USP34: variants seen among roughly 807,000 people sequenced by gnomAD.
The protein encoded by USP34 is ubiquitin carboxyl-terminal hydrolase 34.
Under a neutral mutation model 460.3 loss-of-function variants are expected in USP34, and 70 were observed. The ratio of observed to expected loss-of-function variants is 0.15; its 90% CI spans 0.13 to 0.19. The LOEUF is 0.19. Among genes scored for constraint, USP34 ranks in the 10% least tolerant of loss-of-function variants. The pLI is 1.00. For synonymous variants in USP34, 1,647 were observed against 1,405.3 expected (o/e 1.17, Z -3.85); for missense variants, 3,985 against 4,236.2 (o/e 0.94, Z 1.65).
chr2:61,447,280 A>C (rs866475812), intron 1 of USP34, among the ~76,000 whole-genome samples: 3 of 147,822 alleles, frequency 2.0e-5, no homozygotes, highest in Non-Finnish European at 4.5e-5. Flanking sequence ...AAAAAAAAAA[A>C]AACCAGAAAA....
At chr2:61,374,871 C>G (rs1692744042) in intron 8 of USP34, among the ~76,000 whole-genome samples, 1 of 152,052 alleles carries the variant, frequency 6.6e-6, no homozygotes, top group African/African-American at 2.4e-5. Flanking sequence ...ACTCAGTCTC[C>G]TACTTTCAAT....
At chr2:61,334,653 A>G (rs1215470028) in intron 18 of USP34, among the ~76,000 whole-genome samples, 1 of 152,166 alleles carries the variant, frequency 6.6e-6, no homozygotes, top group East Asian at 1.9e-4. Context: ...TTCAATAAAC[A>G]TGTTTTCATT....
intron 10 of USP34, among the ~76,000 whole-genome samples, chr2:61,358,912 T>G (rs1692188368): frequency 6.6e-6 from 1 of 152,156 alleles, no homozygotes; most frequent in Admixed American, 6.5e-5. Flanking sequence ...CCAAAGAGGG[T>G]AAAGTTTTGT....
chr2:61,288,025 C>T (rs1689739743), intron 34 of USP34, among the ~76,000 whole-genome samples: 1 of 152,204 alleles, frequency 6.6e-6, no homozygotes, highest in Admixed American at 6.5e-5. Flanking sequence ...CTCCTCCTTT[C>T]TTTCTTCTGT....
chr2:61,427,809 T>G (rs1452159694), intron 1 of USP34, among the ~76,000 whole-genome samples: 1 of 152,062 alleles, frequency 6.6e-6, no homozygotes, highest in African/African-American at 2.4e-5. Context: ...GAAAACGGAA[T>G]TTCTAAAAAT....
Position 61,229,584 on chromosome 2 carries a change from T to A in USP34, c.7163A>T (p.His2388Leu). 1 of 1,611,752 alleles carries A rather than the reference T, an allele frequency of 6.2e-7. No individual in the cohort carries two copies. Among genetic ancestry groups the A allele is most frequent in the African/African-American group, 1.3e-5 (1 of 74,572 alleles). The change falls in exon 59 of 80, where the codon CAT (histidine) becomes CTT (leucine). Residue 2388 changes from histidine to leucine, a missense_variant. By Grantham distance (99) the His-to-Leu change is moderately conservative. Coordinates refer to ENST00000398571, the MANE Select transcript of USP34 (RefSeq NM_014709.4). Reference protein sequence around the residue: ...IHVIQRLRPVHAHLYLQPGME... With the variant: ...IHVIQRLRPVLAHLYLQPGME... Reference sequence around the variant, plus strand: ...TCCTGGCTGCAAATAGAGATGAGCATGCACAGGTCTCAGCCTCTGAATCAC... The same window carrying A: ...TCCTGGCTGCAAATAGAGATGAGCAAGCACAGGTCTCAGCCTCTGAATCAC...
intron 1 of USP34, among the ~76,000 whole-genome samples, chr2:61,455,368 G>A (rs1695406997): frequency 6.6e-6 from 1 of 151,988 alleles, no homozygotes; most frequent in African/African-American, 2.4e-5. Context: ...AATAGAGACA[G>A]AATTTCACCA....
chr2:61,280,258 TTATATG>T lies in USP34; in HGVS notation c.5236_5241del (p.His1746_Ile1747del). 1 of 1,549,506 alleles carries T rather than the reference TTATATG, an allele frequency of 6.5e-7. No homozygotes were observed. Among genetic ancestry groups the T allele is most frequent in the Non-Finnish European group, 8.7e-7 (1 of 1,148,276 alleles). On this transcript the variant is annotated inframe_deletion, in exon 39 of 80. Coordinates refer to ENST00000398571, the MANE Select transcript of USP34 (RefSeq NM_014709.4). ...TCTGAACATACCTGACTAGCGTCCT[TTATATG>T]TATGTTGTCAACTAATTTGCATAAC...
intron 53 of USP34, among the ~76,000 whole-genome samples, chr2:61,240,582 T>A (rs1179287121): frequency 6.7e-6 from 1 of 148,536 alleles, no homozygotes. Flanking sequence ...CCAGCCCATT[T>A]TTTTTTTTTG....
intron 48 of USP34, among the ~76,000 whole-genome samples, chr2:61,254,848 C>A (rs996158438): frequency 3.9e-5 from 6 of 152,012 alleles, no homozygotes; most frequent in Non-Finnish European, 5.9e-5. Context: ...ACAAGTATAG[C>A]ATTTTTTTTT....
chr2:61,247,306 G>A (rs1688443045), intron 49 of USP34, among the ~76,000 whole-genome samples: 2 of 152,212 alleles, frequency 1.3e-5, no homozygotes, highest in Non-Finnish European at 2.9e-5. Context: ...GGAACATGAA[G>A]AGATAATTAG....
In USP34 at chr2:61,333,872, A is replaced by C. The variant is rs781189276; in HGVS notation, c.2834+10T>G. The C allele has an allele frequency of 2.0e-6, 3 of 1,483,472 alleles. No homozygotes were observed. Among genetic ancestry groups the C allele is most frequent in the African/African-American group, 2.9e-5 (2 of 69,534 alleles). 91.9% of individuals were successfully genotyped at this position (1,483,472 alleles called of 1,614,324 possible). ...TTTAAAATAAATACTTTTTTCTTTTATTTACTTACATTGTTATCCAGTGTG... is the reference window on the plus strand; with the variant it reads ...TTTAAAATAAATACTTTTTTCTTTTCTTTACTTACATTGTTATCCAGTGTG... On this transcript the variant is annotated intron_variant, in intron 19 of 79. Coordinates refer to ENST00000398571, the MANE Select transcript of USP34 (RefSeq NM_014709.4).
chr2:61,349,310 G>A (rs773367579), intron 12 of USP34, 25 bp from the exon 13 acceptor site: 1 of 1,610,994 alleles, frequency 6.2e-7, no homozygotes, highest in African/African-American at 1.3e-5. Flanking sequence ...AAAAACAGGA[G>A]AAAAACATTC....
chr2:61,256,613 G>T, intron 47 of USP34, 135 bp from the exon 48 acceptor site: 2 of 688,250 alleles, frequency 2.9e-6, no homozygotes, highest in South Asian at 2.5e-5. Context: ...TTAAATTTTA[G>T]TAAAAAACTG....
Position 61,388,288 on chromosome 2 carries a change from G to C in USP34, c.754-4952C>G, listed in dbSNP as rs78083548. The stretch of plus-strand genomic sequence containing the variant: ...ATGAGCTACTACTATAAATCCATTA[G>C]AAATCTATAAAAAACCAAGTCAACA... On this transcript the variant is annotated intron_variant, in intron 5 of 79. Transcript: ENST00000398571. Among the ~76,000 whole-genome samples the C allele has an allele frequency of 1.5e-3, 229 of 152,004 alleles. 1 individual carries two copies. The highest frequency in any genetic ancestry group is 5.3e-3 in the African/African-American group (221 of 41,478).
intron 15 of USP34, among the ~76,000 whole-genome samples, chr2:61,347,488 C>G (rs1444576195): frequency 6.6e-6 from 1 of 152,170 alleles, no homozygotes. Context: ...ATTCTCCTGC[C>G]TCAGCCTCCC....
chr2:61,209,716 A>G (rs1687218882), intron 69 of USP34, among the ~76,000 whole-genome samples: 1 of 152,242 alleles, frequency 6.6e-6, no homozygotes, highest in Non-Finnish European at 1.5e-5. Flanking sequence ...CTTATTTCAA[A>G]AAAAGTTAAA....
chr2:61,280,995 A>T, intron 38 of USP34, 95 bp downstream of exon 38: 1 of 1,352,546 alleles, frequency 7.4e-7, no homozygotes, highest in Non-Finnish European at 1.0e-6. Context: ...TACAGTAGTC[A>T]AATGATCAAA....
intron 1 of USP34, among the ~76,000 whole-genome samples, chr2:61,430,682 T>C (rs1283682102): frequency 1.3e-5 from 2 of 152,210 alleles, no homozygotes; most frequent in South Asian, 4.1e-4. Flanking sequence ...CATGTGAATC[T>C]TGATTCAAAT....
Sources: gnomAD v4.1 joint callset for allele counts (sites outside exome capture counted in the v4.1 genomes callset) on GRCh38, gnomAD v4.1.1 for gene constraint, MANE v1.5 for transcripts, NCBI Gene and HGNC (gene_info 2026-07-23, HGNC 2026-07-21) for gene names.